LRRTM4: variants seen among roughly 807,000 people sequenced by gnomAD.
The protein encoded by LRRTM4 is leucine rich repeat transmembrane neuronal 4.
A neutral mutation model predicts 47.6 loss-of-function variants in LRRTM4; 25 were observed. The observed-to-expected ratio is 0.53, with a 90% CI of 0.38 to 0.73. The LOEUF (loss-of-function observed/expected upper bound fraction) is 0.73, where lower values mean the gene tolerates loss of function less well. Ranked by LOEUF, LRRTM4 falls within the 30% of genes least tolerant of loss-of-function variation. The pLI, the probability that LRRTM4 is intolerant of heterozygous loss-of-function variation, is 0.00. For missense variants in LRRTM4, 638 were observed against 713.4 expected (o/e 0.89, Z 1.20); for synonymous variants, 311 against 269.5 (o/e 1.15, Z -1.51).
At chr2:77,241,106 G>A (rs1473266015) in intron 3 of LRRTM4, among the ~76,000 whole-genome samples, 1 of 151,584 alleles carries the variant, frequency 6.6e-6, no homozygotes, top group Non-Finnish European at 1.5e-5. Context: ...ACACAATTTT[G>A]AAAAATCAAA....
intron 3 of LRRTM4, among the ~76,000 whole-genome samples, chr2:76,957,814 C>T (rs952161710): frequency 1.1e-4 from 16 of 151,720 alleles, no homozygotes; most frequent in South Asian, 2.1e-4. Flanking sequence ...GGTTTTGACA[C>T]GCTCACTTCT....
chr2:77,053,351 G>A (rs967014404), intron 3 of LRRTM4, among the ~76,000 whole-genome samples: 1 of 151,754 alleles, frequency 6.6e-6, no homozygotes, highest in Admixed American at 6.6e-5. Flanking sequence ...ATGATGGATA[G>A]GAAAAAAAGT....
intron 3 of LRRTM4, among the ~76,000 whole-genome samples, chr2:77,379,995 T>A (rs911383445): frequency 6.6e-6 from 1 of 152,130 alleles, no homozygotes; most frequent in Non-Finnish European, 1.5e-5. Context: ...ATATGTAGCT[T>A]ACATTTCATT....
At chr2:76,964,470 CA>C (rs990122912) in intron 3 of LRRTM4, among the ~76,000 whole-genome samples, 5 of 150,834 alleles carry the variant, frequency 3.3e-5, no homozygotes, top group Admixed American at 6.6e-5. Context: ...CATCCTCCAA[CA>C]AAAGTGTTGA....
intron 3 of LRRTM4, among the ~76,000 whole-genome samples, chr2:76,914,760 T>C (rs1317388524): frequency 6.6e-6 from 1 of 152,204 alleles, no homozygotes; most frequent in Non-Finnish European, 1.5e-5. Flanking sequence ...TTTTGTTTGA[T>C]CACAAGTCTT....
intron 3 of LRRTM4, among the ~76,000 whole-genome samples, chr2:77,211,585 C>A (rs1674295055): frequency 6.6e-6 from 1 of 152,074 alleles, no homozygotes; most frequent in South Asian, 2.1e-4. Context: ...GTATATATTT[C>A]TTGCTAGTTT....
chr2:76,850,198 C>T (rs1472478307), intron 3 of LRRTM4, among the ~76,000 whole-genome samples: 3 of 152,120 alleles, frequency 2.0e-5, no homozygotes, highest in Non-Finnish European at 4.4e-5. Context: ...GCTGTCCATA[C>T]GGTTTCTGCC....
intron 3 of LRRTM4, among the ~76,000 whole-genome samples, chr2:76,967,775 C>T (rs4143795): frequency 0.023 from 3,442 of 151,600 alleles, 85 homozygotes; most frequent in East Asian, 0.081. Context: ...CTTTGAGAAG[C>T]AGTTATTCCC....
intron 3 of LRRTM4, among the ~76,000 whole-genome samples, chr2:76,939,726 TCC>T (rs1675072484): frequency 6.6e-6 from 1 of 152,146 alleles, no homozygotes; most frequent in Non-Finnish European, 1.5e-5. Flanking sequence ...TTTATGTTAG[TCC>T]TACATGCTCT....
intron 3 of LRRTM4, among the ~76,000 whole-genome samples, chr2:76,938,672 C>G (rs543774174): frequency 2.0e-5 from 3 of 152,098 alleles, no homozygotes; most frequent in South Asian, 2.1e-4. Context: ...TAAAACTAAC[C>G]AATTGTTTTT....
intron 3 of LRRTM4, among the ~76,000 whole-genome samples, chr2:77,204,654 T>A (rs1002529409): frequency 2.0e-5 from 3 of 152,168 alleles, no homozygotes; most frequent in African/African-American, 7.2e-5. Flanking sequence ...ATTCTGCCAT[T>A]CCCAAATCAT....
chr2:76,905,140 T>C (rs1316325899), intron 3 of LRRTM4, among the ~76,000 whole-genome samples: 1 of 152,088 alleles, frequency 6.6e-6, no homozygotes, highest in African/African-American at 2.4e-5. Flanking sequence ...CGGGTACTCC[T>C]CTGAGACAAA....
At chr2:77,360,441 G>A (rs1573308670) in intron 3 of LRRTM4, among the ~76,000 whole-genome samples, 1 of 151,648 alleles carries the variant, frequency 6.6e-6, no homozygotes, top group African/African-American at 2.4e-5. Context: ...CTGGGCGGCA[G>A]AGCGAGACTC....
intron 3 of LRRTM4, among the ~76,000 whole-genome samples, chr2:77,493,984 T>C (rs11689077): frequency 0.052 from 7,936 of 152,184 alleles, 257 homozygotes; most frequent in Middle Eastern, 0.096. Context: ...AAATAGAATT[T>C]CTAGTAGCAA....
At position 77,347,322 on chromosome 2, in the gene LRRTM4, T is replaced by A. The variant is rs369371922; in HGVS notation, c.1551+170996A>T. Among the ~76,000 whole-genome samples, 73 of 152,246 alleles carry A rather than the reference T, an allele frequency of 4.8e-4. 1 individual carries two copies. In the South Asian group the frequency reaches 0.015, roughly 31 times the overall value. On this transcript the variant is annotated intron_variant, in intron 3 of 3. Coordinates refer to ENST00000409884, the MANE Select transcript of LRRTM4 (RefSeq NM_001134745.3). ...CCTTTGTAAGTAGCACCTTTGTAAATCTTTCTTTAATCACTTCATTTAAAT... is the reference window on the plus strand; with the variant it reads ...CCTTTGTAAGTAGCACCTTTGTAAAACTTTCTTTAATCACTTCATTTAAAT...
intron 3 of LRRTM4, among the ~76,000 whole-genome samples, chr2:76,807,941 C>CTCTT (rs1558668213): frequency 7.5e-6 from 1 of 133,262 alleles, no homozygotes; most frequent in Non-Finnish European, 1.5e-5. Context: ...TCCTTTCTTT[C>CTCTT]TTTCTTTCTT....
chr2:77,475,624 T>G (rs1677357050), intron 3 of LRRTM4, among the ~76,000 whole-genome samples: 1 of 151,952 alleles, frequency 6.6e-6, no homozygotes, highest in Non-Finnish European at 1.5e-5. Context: ...AATATACATA[T>G]TTTAAAGTGT....
chr2:76,751,142 A>T (rs13403042), intron 3 of LRRTM4, among the ~76,000 whole-genome samples: 37,249 of 152,096 alleles, frequency 0.24, 4,744 homozygotes, highest in Admixed American at 0.31. Flanking sequence ...ATCAAAGCAC[A>T]TATTCAGATT....
chr2:76,905,734 G>A (rs1345695919), intron 3 of LRRTM4, among the ~76,000 whole-genome samples: 8 of 151,224 alleles, frequency 5.3e-5, no homozygotes, highest in African/African-American at 1.9e-4. Context: ...TCAACTGGAA[G>A]AAAGGGTATC....
Sources: gnomAD v4.1 joint callset for allele counts (sites outside exome capture counted in the v4.1 genomes callset) on GRCh38, gnomAD v4.1.1 for gene constraint, MANE v1.5 for transcripts, NCBI Gene and HGNC (gene_info 2026-07-23, HGNC 2026-07-21) for gene names.